Variants in UBE2D3 observed in about 807,000 individuals in gnomAD.
The protein encoded by UBE2D3 is ubiquitin-conjugating enzyme E2 D3.
In UBE2D3, 2 loss-of-function variants were observed where a neutral mutation model predicts 22.8. The observed-to-expected ratio is 0.09, with a 90% CI of 0.04 to 0.28. The LOEUF is 0.28. Ranked by LOEUF, UBE2D3 falls within the 10% of genes least tolerant of loss-of-function variation. The pLI is 1.00. For missense variants in UBE2D3, 27 were observed against 182.5 expected, an observed-to-expected ratio of 0.15 and a Z score of 4.91; for synonymous variants, 56 against 60.4, an observed-to-expected ratio of 0.93 and a Z score of 0.34.
chr4:102,866,870 C>A (rs1323689888), intron 1 of UBE2D3, among the ~76,000 whole-genome samples: 1 of 152,022 alleles, frequency 6.6e-6, no homozygotes, highest in East Asian at 1.9e-4. Context: ...CTAGTTGTAC[C>A]CAAGGGTGCT....
At chr4:102,827,081 G>A (rs1010333648) in intron 1 of UBE2D3, 6 of 989,226 alleles carry the variant, frequency 6.1e-6, no homozygotes, top group African/African-American at 1.7e-5. Context: ...ATAAAGGAAG[G>A]GAGACTTGAT....
chr4:102,800,898 A>G (rs1486756271), intron 6 of UBE2D3, among the ~76,000 whole-genome samples: 1 of 152,058 alleles, frequency 6.6e-6, no homozygotes, highest in Non-Finnish European at 1.5e-5. Flanking sequence ...CTTGTTACAT[A>G]TAACGTAACA....
intron 1 of UBE2D3, among the ~76,000 whole-genome samples, chr4:102,861,565 T>C (rs182240851): frequency 6.6e-6 from 1 of 152,124 alleles, no homozygotes; most frequent in East Asian, 1.9e-4. Flanking sequence ...TCATGCCTAG[T>C]TCATCGGTGC....
At chr4:102,834,457 CA>C (rs1175377159) in intron 1 of UBE2D3, among the ~76,000 whole-genome samples, 9 of 152,064 alleles carry the variant, frequency 5.9e-5, no homozygotes, top group Non-Finnish European at 1.0e-4. Flanking sequence ...GAAAAAGTCA[CA>C]AGATTGAGGG....
chr4:102,813,154 A>AACT (rs1728294242), intron 2 of UBE2D3, among the ~76,000 whole-genome samples: 2 of 152,196 alleles, frequency 1.3e-5, no homozygotes, highest in African/African-American at 4.8e-5. Flanking sequence ...TTGTTTAGTT[A>AACT]AAAGTCCACC....
rs1052052799 is a variant in UBE2D3 at position 102,794,504 on chromosome 4, T to C, written c.*2911A>G. 6.6e-6 allele frequency: 1 copy of C among 152,088 alleles called. No individual in the cohort carries two copies. The highest frequency in any genetic ancestry group is 1.5e-5 in the Non-Finnish European group (1 of 67,990). The allele number at this position is 152,088 out of a possible 1,614,324, so 9.4% of individuals were successfully genotyped here. On this transcript the variant is annotated 3_prime_UTR_variant, in exon 8 of 8. Coordinates refer to ENST00000453744, the MANE Select transcript of UBE2D3 (RefSeq NM_181891.3). ...TTAGTGACTTGCACTGGGTTCCTCATAAAAGACAAATTCACTTAAAAGTGT... is the reference window on the plus strand; with the variant it reads ...TTAGTGACTTGCACTGGGTTCCTCACAAAAGACAAATTCACTTAAAAGTGT...
intron 1 of UBE2D3, among the ~76,000 whole-genome samples, chr4:102,868,189 C>T (rs948652779): frequency 6.6e-6 from 1 of 150,950 alleles, no homozygotes; most frequent in African/African-American, 2.4e-5. Context: ...TCTCCTGCCT[C>T]AGTCTCCCGA....
intron 2 of UBE2D3, among the ~76,000 whole-genome samples, chr4:102,820,830 G>C (rs948204336): frequency 6.6e-6 from 1 of 152,260 alleles, no homozygotes; most frequent in East Asian, 1.9e-4. Flanking sequence ...ATTACAGCAA[G>C]GTTAGGATTA....
intron 1 of UBE2D3, among the ~76,000 whole-genome samples, chr4:102,852,468 A>C (rs1438515970): frequency 6.6e-6 from 1 of 152,252 alleles, no homozygotes; most frequent in African/African-American, 2.4e-5. Flanking sequence ...GTGCACACAC[A>C]AATATGTAAA....
intron 2 of UBE2D3, 148 bp from the exon 3 acceptor site, chr4:102,810,003 GA>G: frequency 1.4e-6 from 1 of 690,314 alleles, no homozygotes; most frequent in East Asian, 2.7e-5. Flanking sequence ...TTAGGAGAGA[GA>G]ACATGCCTGA....
intron 1 of UBE2D3, 137 bp downstream of exon 1, chr4:102,827,290 C>A: frequency 1.0e-6 from 1 of 956,856 alleles, no homozygotes; most frequent in African/African-American, 1.8e-5. Context: ...CGCGGCTTCC[C>A]CAACCTTCCC....
At chr4:102,824,300 A>T (rs223393) in intron 2 of UBE2D3, among the ~76,000 whole-genome samples, 13 of 152,252 alleles carry the variant, frequency 8.5e-5, no homozygotes, top group Non-Finnish European at 1.6e-4. Context: ...AACAAAAACG[A>T]TTTTTAAAAA....
At position 102,799,836 on chromosome 4, in the gene UBE2D3, G is replaced by C. The variant is rs1031625697; in HGVS notation, c.305-336C>G. 6.8e-5 allele frequency among the ~76,000 whole-genome samples: 10 copies of C among 146,366 alleles called. 1 individual carries two copies. The highest frequency in any genetic ancestry group is 1.1e-4 in the Non-Finnish European group (7 of 66,060). The stretch of plus-strand genomic sequence containing the variant: ...AGTTTCTTGGTACTCAGTGGCTGGG[G>C]GGGGGGGGACTTTAGCAAGAATATG... On this transcript the variant is annotated intron_variant, in intron 6 of 7. Transcript: ENST00000453744.
intron 4 of UBE2D3, among the ~76,000 whole-genome samples, chr4:102,803,934 A>G (rs1388570630): frequency 6.6e-6 from 1 of 151,834 alleles, no homozygotes; most frequent in African/African-American, 2.4e-5. Flanking sequence ...ACACCCAGCT[A>G]ATTTTTGTAT....
In UBE2D3 at chr4:102,822,627, T is replaced by C. The variant is rs1358082312; in HGVS notation, c.24+3858A>G. 7.2e-5 allele frequency among the ~76,000 whole-genome samples: 11 copies of C among 152,202 alleles called. No individual in the cohort carries two copies. The East Asian group carries it at 1.9e-3, about 27-fold the overall frequency. On this transcript the variant is annotated intron_variant, in intron 2 of 7. Coordinates refer to ENST00000453744, the MANE Select transcript of UBE2D3 (RefSeq NM_181891.3). Reference sequence around the variant, plus strand: ...TTTCAGGTAACAAACTAAAATCACATACATTATAAAACAGGAATTGAAGGG... The same window carrying C: ...TTTCAGGTAACAAACTAAAATCACACACATTATAAAACAGGAATTGAAGGG...
intron 2 of UBE2D3, chr4:102,811,899 C>T (rs1023889333): frequency 6.2e-5 from 21 of 341,086 alleles, no homozygotes; most frequent in Middle Eastern, 1.0e-3. Flanking sequence ...AACTGTCTAC[C>T]ACAATATCAA....
intron 1 of UBE2D3, among the ~76,000 whole-genome samples, chr4:102,862,988 G>A (rs1262415417): frequency 6.6e-6 from 1 of 152,094 alleles, no homozygotes; most frequent in East Asian, 1.9e-4. Context: ...CAGTTCACAT[G>A]GTGAGAGAGA....
At chr4:102,836,466 T>C (rs1731410943) in intron 1 of UBE2D3, among the ~76,000 whole-genome samples, 1 of 152,126 alleles carries the variant, frequency 6.6e-6, no homozygotes, top group African/African-American at 2.4e-5. Flanking sequence ...TTTTGTCTTA[T>C]TACAAATAGG....
At chr4:102,827,108 G>C in intron 1 of UBE2D3, 6 of 986,736 alleles carry the variant, frequency 6.1e-6, no homozygotes, top group Non-Finnish European at 7.2e-6. Context: ...TGCTATCCTC[G>C]CAGCGAGCTA....
Sources: allele counts gnomAD v4.1 joint callset (sites outside exome capture counted in the v4.1 genomes callset), GRCh38; gene constraint gnomAD v4.1.1; transcripts MANE v1.5; gene names NCBI Gene and HGNC (gene_info 2026-07-23, HGNC 2026-07-21).